Variants in EN1 observed in about 807,000 individuals in gnomAD.
The protein encoded by EN1 is homeobox protein engrailed-1.
EN1 carries 8 observed loss-of-function variants against 22.9 expected under a neutral mutation model. That is an observed-to-expected ratio of 0.35 (90% CI 0.20 to 0.63). The LOEUF (loss-of-function observed/expected upper bound fraction) is 0.63. Ranked by LOEUF, EN1 falls within the 20% of genes least tolerant of loss-of-function variation. The pLI, the probability that EN1 is intolerant of heterozygous loss-of-function variation, is 0.73. For missense variants in EN1, 521 were observed against 572.1 expected (o/e 0.91, Z 0.91); for synonymous variants, 287 against 262.5 (o/e 1.09, Z -0.90).
intron 1 of EN1, among the ~76,000 whole-genome samples, chr2:118,845,285 C>T (rs1373159917): frequency 6.6e-6 from 1 of 152,172 alleles, no homozygotes; most frequent in Non-Finnish European, 1.5e-5. Context: ...CCCTGCCGGA[C>T]CGGGTGTCTG....
In EN1 at chr2:118,846,883, T is replaced by C; in HGVS notation, c.285A>G (p.Pro95=). The C allele has an allele frequency of 7.5e-7, 1 of 1,325,196 alleles. No individual in the cohort carries two copies. Among genetic ancestry groups the C allele is most frequent in the South Asian group, 1.2e-5 (1 of 84,516 alleles). 82.1% of individuals were successfully genotyped at this position (1,325,196 alleles called of 1,614,324 possible). ...TGGTGGTGCGGTGCAGCTGGGCCGC[T>C]GGCTGCGGCTGGTGAGCAGGCGCCG... ...HLAAPAHQPQ[P]AAQLHRTTNF... Residue 95 remains proline (P), a synonymous_variant, in exon 1 of 2, where the codon CCA becomes CCG. Transcript: ENST00000295206. The surrounding 1 kb of genome is among the most constrained non-coding windows in gnomAD (Gnocchi z 5.0).
chr2:118,846,985 C>T lies in EN1; in HGVS notation c.183G>A (p.Ala61=), dbSNP rs764736993. 746 of 1,355,836 alleles carry T rather than the reference C, an allele frequency of 5.5e-4. No homozygotes were observed. Among genetic ancestry groups the T allele is most frequent in the Non-Finnish European group, 6.6e-4 (705 of 1,063,848 alleles). The allele number at this position is 1,355,836 out of a possible 1,614,324, so 84.0% of individuals were successfully genotyped here. The part of the protein sequence containing the change: ...SPQPAPPSPP[A]APCLPPLAHH... Reference sequence around the variant, plus strand: ...GGGCCAGGGGCGGCAGGCAAGGCGCCGCGGGCGGCGAGGGGGGCGCAGGCT... The same window carrying T: ...GGGCCAGGGGCGGCAGGCAAGGCGCTGCGGGCGGCGAGGGGGGCGCAGGCT... Residue 61 remains alanine (A), a synonymous_variant, in exon 1 of 2, where the codon GCG becomes GCA. Coordinates refer to ENST00000295206, the MANE Select transcript of EN1 (RefSeq NM_001426.4). This position sits in a 1 kb window ranked among gnomAD's most constrained non-coding sequence, Gnocchi z 5.0.
Position 118,846,303 on chromosome 2 carries a change from C to T in EN1, c.862+3G>A. On this transcript the variant is annotated splice_donor_region_variant and intron_variant, in intron 1 of 1. Transcript: ENST00000295206. This position sits in a 1 kb window ranked among gnomAD's most constrained non-coding sequence, Gnocchi z 5.0. ...ATGGCGCAGCCCGGAGTTGGGTACT[C>T]ACCGGAGGATGGACGATCCGAATAA... 1 of 1,609,036 alleles carries T rather than the reference C, an allele frequency of 6.2e-7. No individual in the cohort carries two copies.
Position 118,847,416 on chromosome 2 carries a change from G to C in EN1, c.-249C>G. On this transcript the variant is annotated 5_prime_UTR_variant, in exon 1 of 2. Coordinates refer to ENST00000295206, the MANE Select transcript of EN1 (RefSeq NM_001426.4). ...TAGACATCCAGATATGGAGACACTT[G>C]GCTATTTCTTTTTTCTTTCTGCAAC... 3.0e-6 allele frequency: 1 copy of C among 335,132 alleles called. No individual in the cohort carries two copies. The highest frequency in any genetic ancestry group is 4.8e-5 in the Admixed American group (1 of 20,624). The allele number at this position is 335,132 out of a possible 1,614,324, so 20.8% of individuals were successfully genotyped here.
intron 1 of EN1, among the ~76,000 whole-genome samples, chr2:118,843,650 A>T (rs1678226354): frequency 6.6e-6 from 1 of 152,150 alleles, no homozygotes; most frequent in Admixed American, 6.5e-5. Flanking sequence ...CCCAGCCCAG[A>T]GTTGGGGGTC....
In EN1 at chr2:118,847,216, C is replaced by T. The variant is rs1244740255; in HGVS notation, c.-49G>A. 5.3e-6 allele frequency: 3 copies of T among 562,314 alleles called. No homozygotes were observed. The highest frequency in any genetic ancestry group is 3.7e-5 in the East Asian group (1 of 26,808). 34.8% of individuals were successfully genotyped at this position (562,314 alleles called of 1,614,324 possible). On this transcript the variant is annotated 5_prime_UTR_variant, in exon 1 of 2. Coordinates refer to ENST00000295206, the MANE Select transcript of EN1 (RefSeq NM_001426.4). ...CCGCCGCGCCGGCCCCCGCCCCCAC[C>T]GCCTCGCTCCCCACCCCACTTTGCC...
At chr2:118,843,735 G>A (rs571252280) in intron 1 of EN1, among the ~76,000 whole-genome samples, 1 of 152,220 alleles carries the variant, frequency 6.6e-6, no homozygotes, top group South Asian at 2.1e-4. Flanking sequence ...GGAGTCGCCA[G>A]CCTGCAAACA....
Position 118,847,385 on chromosome 2 carries a change from A to G in EN1, c.-218T>C, listed in dbSNP as rs1039226196. On this transcript the variant is annotated 5_prime_UTR_variant, in exon 1 of 2. It removes the in-frame stop codon of an upstream open reading frame in the 5' UTR. Coordinates refer to ENST00000295206, the MANE Select transcript of EN1 (RefSeq NM_001426.4). ...TAGATCTCGCTGTCTCTCCCTCTCT[A>G]ATTTGTAGACATCCAGATATGGAGA... The G allele has an allele frequency of 1.7e-5, 6 of 354,540 alleles. No individual in the cohort carries two copies. The highest frequency in any genetic ancestry group is 3.0e-5 in the Non-Finnish European group (6 of 198,724). 22.0% of individuals were successfully genotyped at this position (354,540 alleles called of 1,614,324 possible). A position where few individuals can be genotyped will look rare whatever the true frequency, so the allele number is the denominator to read the frequency against.
chr2:118,845,235 A>C (rs934873229), intron 1 of EN1, among the ~76,000 whole-genome samples: 2 of 152,224 alleles, frequency 1.3e-5, no homozygotes, highest in Non-Finnish European at 2.9e-5. Flanking sequence ...GCGAGAGACC[A>C]GCCAGAGGAA....
chr2:118,845,600 T>C (rs1678257383), intron 1 of EN1, among the ~76,000 whole-genome samples: 1 of 152,222 alleles, frequency 6.6e-6, no homozygotes, highest in Non-Finnish European at 1.5e-5. Flanking sequence ...CTTCCTGGCC[T>C]GAGCCTGACC....
At chr2:118,843,523 G>A (rs1678224543) in intron 1 of EN1, among the ~76,000 whole-genome samples, 1 of 152,204 alleles carries the variant, frequency 6.6e-6, no homozygotes, top group Admixed American at 6.5e-5. Flanking sequence ...GGTTGAGGTT[G>A]TAGGTGCACC....
In EN1 at chr2:118,846,727, G is replaced by A. The variant is rs1047414154; in HGVS notation, c.441C>T (p.Gly147=). Residue 147 remains glycine, a synonymous_variant, in exon 1 of 2, where the codon GGC becomes GGT. Transcript: ENST00000295206. This position sits in a 1 kb window ranked among gnomAD's most constrained non-coding sequence, Gnocchi z 5.0. ...CAGGGTCTCTACCTGCGGCAGTCTG[G>A]CCTCTGTCACGCTCGACCCGGCCTC... ...GGGGRVERDR[G]QTAAGRDPVH... is the part of the protein sequence containing the mutation. 15 of 1,593,668 alleles carry A rather than the reference G, an allele frequency of 9.4e-6. No homozygotes were observed. The highest frequency in any genetic ancestry group is 1.7e-6 in the Non-Finnish European group (2 of 1,177,384).
Position 118,846,748 on chromosome 2 carries a change from G to T in EN1, c.420C>A (p.Gly140=), listed in dbSNP as rs1678281985. The T allele has an allele frequency of 1.9e-6, 3 of 1,594,128 alleles. No homozygotes were observed. The highest frequency in any genetic ancestry group is 1.3e-5 in the African/African-American group (1 of 74,422). The change falls in exon 1 of 2, where the codon GGC becomes GGA. Residue 140 remains glycine (G), a synonymous_variant. Coordinates refer to ENST00000295206, the MANE Select transcript of EN1 (RefSeq NM_001426.4). The surrounding 1 kb of genome is among the most constrained non-coding windows in gnomAD (Gnocchi z 5.0). ...AAARGGAGGG[G]RVERDRGQTA... is the part of the protein sequence containing the mutation. ...TCTGGCCTCTGTCACGCTCGACCCG[G>T]CCTCCTCCTCCTGCGCCTCCTCTGG...
In EN1 at chr2:118,846,641, T is replaced by C; in HGVS notation, c.527A>G (p.Asn176Ser). The C allele has an allele frequency of 6.5e-7, 1 of 1,526,718 alleles. No homozygotes were observed. The highest frequency in any genetic ancestry group is 8.7e-7 in the Non-Finnish European group (1 of 1,146,352). 94.6% of individuals were successfully genotyped at this position (1,526,718 alleles called of 1,614,324 possible). A position where few individuals can be genotyped will look rare whatever the true frequency, so the allele number is the denominator to read the frequency against. Reference sequence around the variant, plus strand: ...CTGGGAGCCGTCGGGTGGGCCACAGTTCGCGTCCGGGGCGCACAGGAGCGA... The same window carrying C: ...CTGGGAGCCGTCGGGTGGGCCACAGCTCGCGTCCGGGGCGCACAGGAGCGA... ...AASLLCAPDA[N>S]CGPPDGSQPA... Residue 176 changes from asparagine to serine, a missense_variant, in exon 1 of 2, where the codon AAC becomes AGC. Asn to Ser is a conservative substitution (Grantham distance 46). Around this residue, in one of 3 missense-constraint regions of EN1, gnomAD observed 436 missense variants for 410.1 expected, o/e 1.06. Coordinates refer to ENST00000295206, the MANE Select transcript of EN1 (RefSeq NM_001426.4). The surrounding 1 kb of genome is among the most constrained non-coding windows in gnomAD (Gnocchi z 5.0).
chr2:118,843,627 G>A (rs1157185657), intron 1 of EN1, among the ~76,000 whole-genome samples: 1 of 152,206 alleles, frequency 6.6e-6, no homozygotes, highest in Non-Finnish European at 1.5e-5. Context: ...GGAGATATTT[G>A]GAGCTCATAT....
intron 1 of EN1, among the ~76,000 whole-genome samples, 172 bp from the exon 2 acceptor site, chr2:118,843,426 C>T (rs1678222910): frequency 6.6e-6 from 1 of 152,200 alleles, no homozygotes; most frequent in Admixed American, 6.5e-5. Flanking sequence ...CTCCCGCCAG[C>T]CAATCCCTGG....
rs1305590667 is a variant in EN1 at position 118,846,421 on chromosome 2, A to C, written c.747T>G (p.Ala249=). ...CGTTGGCTGAGCCCATAAGTAGGAT[A>C]GCCGGGTTGCCGTGCTCCGGGTATT... The part of the protein sequence containing the change: ...GTKYPEHGNP[A]ILLMGSANGG... The change falls in exon 1 of 2, where the codon GCT becomes GCG. Residue 249 remains alanine (A), a synonymous_variant. Coordinates refer to ENST00000295206, the MANE Select transcript of EN1 (RefSeq NM_001426.4). The surrounding 1 kb of genome is among the most constrained non-coding windows in gnomAD (Gnocchi z 5.0). 1.2e-6 allele frequency: 2 copies of C among 1,613,300 alleles called. No individual in the cohort carries two copies. Among genetic ancestry groups the C allele is most frequent in the Admixed American group, 3.3e-5 (2 of 59,984 alleles).
intron 1 of EN1, among the ~76,000 whole-genome samples, chr2:118,844,585 C>A (rs756913862): frequency 6.6e-6 from 1 of 152,236 alleles, no homozygotes. Flanking sequence ...CAAGTTAAGT[C>A]CCTGTCAGGC....
rs1042890208 is a variant in EN1 at position 118,847,340 on chromosome 2, G to T, written c.-173C>A. 3 of 378,508 alleles carry T rather than the reference G, an allele frequency of 7.9e-6. No individual in the cohort carries two copies. Among genetic ancestry groups the T allele is most frequent in the South Asian group, 9.4e-5 (1 of 10,604 alleles). The allele number at this position is 378,508 out of a possible 1,614,324, so 23.4% of individuals were successfully genotyped here. A position where few individuals can be genotyped will look rare whatever the true frequency, so the allele number is the denominator to read the frequency against. On this transcript the variant is annotated 5_prime_UTR_variant, in exon 1 of 2. Transcript: ENST00000295206. ...AAAGCTCAGGCGTCTGGCCTGGATC[G>T]CTCGTTCTTATCTAGCAGATAGATC...
Sources: allele counts gnomAD v4.1 joint callset (sites outside exome capture counted in the v4.1 genomes callset), GRCh38; gene constraint gnomAD v4.1.1; regional missense constraint gnomAD v4.1.1; non-coding constraint Gnocchi (gnomAD v3.1); transcripts MANE v1.5; gene names NCBI Gene and HGNC (gene_info 2026-07-23, HGNC 2026-07-21).